The following CPA4 variants were observed in gnomAD, a reference collection of about 807,000 sequenced individuals.
CPA4 encodes carboxypeptidase A4.
Under a neutral mutation model 54.7 loss-of-function variants are expected in CPA4, and 49 were observed. The observed-to-expected ratio is 0.90, with a 90% CI of 0.71 to 1.14. CPA4 has a LOEUF of 1.14. Ranked by LOEUF, CPA4 falls within the 50% of genes most tolerant of loss-of-function variation. The pLI, the probability that CPA4 is intolerant of heterozygous loss-of-function variation, is 0.00. For synonymous variants in CPA4, 215 were observed against 206.8 expected (o/e 1.04, Z -0.34); for missense variants, 487 against 525.1 (o/e 0.93, Z 0.71).
intron 10 of CPA4, among the ~76,000 whole-genome samples, chr7:130,314,119 A>G (rs1236307219): frequency 6.6e-6 from 1 of 152,218 alleles, no homozygotes; most frequent in East Asian, 1.9e-4. Flanking sequence ...AGTTGCAAAA[A>G]TGCTCTGTTT....
chr7:130,311,071 G>A (rs1214857248), intron 9 of CPA4, 85 bp downstream of exon 9: 1 of 1,024,032 alleles, frequency 9.8e-7, no homozygotes. Flanking sequence ...AGCTTTATAG[G>A]GAGGGTCCAG....
At chr7:130,297,738 C>A (rs537591532) in intron 1 of CPA4, among the ~76,000 whole-genome samples, 1 of 152,202 alleles carries the variant, frequency 6.6e-6, no homozygotes, top group Non-Finnish European at 1.5e-5. Flanking sequence ...GAGCCCACAG[C>A]GGCTCTCTTT....
At chr7:130,311,941 G>GT in intron 9 of CPA4, 97 bp from the exon 10 acceptor site, 1 of 876,824 alleles carries the variant, frequency 1.1e-6, no homozygotes, top group Non-Finnish European at 1.9e-6. Flanking sequence ...AATCGGGGGG[G>GT]GCTGAGAATC....
At position 130,307,236 on chromosome 7, in the gene CPA4, C is replaced by G. The variant is rs10274321; in HGVS notation, c.702+339C>G. On this transcript the variant is annotated intron_variant, in intron 7 of 10. Coordinates refer to ENST00000222482, the MANE Select transcript of CPA4 (RefSeq NM_016352.4). ...TACTTTAGTACGCATCTCTAACTGACGATAGAAAAAAAAAAATTAAAAAAC... is the reference window on the plus strand; with the variant it reads ...TACTTTAGTACGCATCTCTAACTGAGGATAGAAAAAAAAAAATTAAAAAAC... Among the ~76,000 whole-genome samples, 204 of 135,768 alleles carry G rather than the reference C, an allele frequency of 1.5e-3. 2 individuals are homozygous for G. The highest frequency in any genetic ancestry group is 7.5e-3 in the Middle Eastern group (2 of 266). The allele number at this position is 135,768 out of a possible 152,430, so 89.1% of individuals were successfully genotyped here.
chr7:130,297,271 C>T (rs1223248978), intron 1 of CPA4, among the ~76,000 whole-genome samples: 6 of 152,152 alleles, frequency 3.9e-5, no homozygotes, highest in African/African-American at 7.2e-5. Flanking sequence ...TGTCTTACAT[C>T]GGTCCCTTTT....
At chr7:130,314,213 T>A (rs1459286614) in intron 10 of CPA4, among the ~76,000 whole-genome samples, 1 of 152,152 alleles carries the variant, frequency 6.6e-6, no homozygotes, top group African/African-American at 2.4e-5. Context: ...TTGCACTGGT[T>A]AGGTGTTAAG....
chr7:130,313,082 G>T, intron 10 of CPA4, among the ~76,000 whole-genome samples: 1 of 152,160 alleles, frequency 6.6e-6, no homozygotes, highest in Non-Finnish European at 1.5e-5. Flanking sequence ...AGTTATAAAA[G>T]GATGAAGGGC....
chr7:130,310,738 G>A lies in CPA4; in HGVS notation c.794-49G>A. 6.4e-7 allele frequency: 1 copy of A among 1,559,864 alleles called. No individual in the cohort carries two copies. Among genetic ancestry groups the A allele is most frequent in the Non-Finnish European group, 8.8e-7 (1 of 1,131,236 alleles). ...TCTAGGTGGAGCGTCTTGCATTTCT[G>A]TGTTCTTGGACTATGAGTTAATGTT... On this transcript the variant is annotated intron_variant, in intron 8 of 10. Transcript: ENST00000222482. The surrounding 1 kb of genome is among the most constrained non-coding windows in gnomAD (Gnocchi z 4.3).
At chr7:130,308,557 T>C (rs1793862698) in intron 8 of CPA4, among the ~76,000 whole-genome samples, 160 bp downstream of exon 8, 1 of 152,126 alleles carries the variant, frequency 6.6e-6, no homozygotes, top group Non-Finnish European at 1.5e-5. Flanking sequence ...CTTAGTGTTT[T>C]GTTTGTTGTT....
intron 10 of CPA4, among the ~76,000 whole-genome samples, chr7:130,312,883 C>T (rs562827004): frequency 4.3e-4 from 65 of 151,956 alleles, no homozygotes; most frequent in East Asian, 9.7e-4. Flanking sequence ...CTGATCAGAG[C>T]GGAGATTGTC....
chr7:130,313,546 A>G (rs1379280191), intron 10 of CPA4, among the ~76,000 whole-genome samples: 1 of 152,092 alleles, frequency 6.6e-6, no homozygotes, highest in Non-Finnish European at 1.5e-5. Context: ...GCTTCGGGCT[A>G]TATTTTTTAA....
chr7:130,308,850 C>CTTTTTTTTTTTTTTTTTTTTT lies in CPA4; in HGVS notation c.793+468_793+469insTTTTTTTTTTTTTTTTTTTTT, dbSNP rs1249548992. Reference sequence around the variant, plus strand: ...ATAGCCGTAAGCCACCTAGCCCAGCCTTTTTTTTTTTTTTTGAGACAGAGT... The same window carrying CTTTTTTTTTTTTTTTTTTTTT: ...ATAGCCGTAAGCCACCTAGCCCAGCCTTTTTTTTTTTTTTTTTTTTTTTTTTTTTTTTTTTTGAGACAGAGT... On this transcript the variant is annotated intron_variant, in intron 8 of 10. Transcript: ENST00000222482. Among the ~76,000 whole-genome samples, 56 of 120,258 alleles carry CTTTTTTTTTTTTTTTTTTTTT rather than the reference C, an allele frequency of 4.7e-4. 2 individuals carry two copies. The highest frequency in any genetic ancestry group is 1.7e-3 in the African/African-American group (48 of 28,068). 78.9% of individuals were successfully genotyped at this position (120,258 alleles called of 152,430 possible).
chr7:130,298,610 ACATTAAAACCAAAGACTAGAC>A, intron 1 of CPA4, 115 bp from the exon 2 acceptor site: 1 of 578,104 alleles, frequency 1.7e-6, no homozygotes, highest in East Asian at 2.8e-5. Context: ...TAATGGCCAT[ACATTAAAACCAAAGACTAGAC>A]CATTTCCTTT....
At chr7:130,309,353 G>A (rs887850067) in intron 8 of CPA4, among the ~76,000 whole-genome samples, 3 of 152,282 alleles carry the variant, frequency 2.0e-5, no homozygotes, top group Non-Finnish European at 4.4e-5. Context: ...TTGTGAGCAG[G>A]CGGAAGGACT....
intron 3 of CPA4, chr7:130,299,618 G>A (rs2117134694): frequency 1.9e-6 from 1 of 529,446 alleles, no homozygotes; most frequent in Admixed American, 3.1e-5. Context: ...ACACAGATTT[G>A]GATCCAAATC....
chr7:130,299,416 A>G lies in CPA4; in HGVS notation c.285+12A>G, dbSNP rs745403006. ...TTGAGGACCTGCAGGTAGGTAGACT[A>G]TGCCTCCTGCCTCCTGCTCTTGCAT... On this transcript the variant is annotated intron_variant, in intron 3 of 10. Transcript: ENST00000222482. 1.2e-6 allele frequency: 2 copies of G among 1,612,872 alleles called. No individual in the cohort carries two copies. The highest frequency in any genetic ancestry group is 2.2e-5 in the East Asian group (1 of 44,888).
In CPA4 at chr7:130,298,756, T is replaced by G; in HGVS notation, c.79T>G (p.Leu27Val). 6.2e-7 allele frequency: 1 copy of G among 1,608,580 alleles called. No individual in the cohort carries two copies. The highest frequency in any genetic ancestry group is 1.3e-5 in the African/African-American group (1 of 74,936). ...GQEKFFGDQV[L>V]RINVRNGDEI... is the part of the protein sequence containing the mutation. ...TCGCTTCTTCCCCAGGGACCAAGTT[T>G]TGAGGATTAATGTCAGAAATGGAGA... is the stretch of plus-strand genomic sequence containing the variant. The change falls in exon 2 of 11, where the codon TTG (leucine) becomes GTG (valine). Residue 27 changes from leucine (L) to valine (V), a missense_variant. Coordinates refer to ENST00000222482, the MANE Select transcript of CPA4 (RefSeq NM_016352.4).
In CPA4 at chr7:130,310,720, G is replaced by A; in HGVS notation, c.794-67G>A. On this transcript the variant is annotated intron_variant, in intron 8 of 10. Coordinates refer to ENST00000222482, the MANE Select transcript of CPA4 (RefSeq NM_016352.4). This position sits in a 1 kb window ranked among gnomAD's most constrained non-coding sequence, Gnocchi z 4.3. ...CAATACCTTCGGCCCCTCTCTAGGT[G>A]GAGCGTCTTGCATTTCTGTGTTCTT... 5 of 1,471,672 alleles carry A rather than the reference G, an allele frequency of 3.4e-6. No homozygotes were observed. The highest frequency in any genetic ancestry group is 4.7e-6 in the Non-Finnish European group (5 of 1,053,054). 91.2% of individuals were successfully genotyped at this position (1,471,672 alleles called of 1,614,324 possible). A position where few individuals can be genotyped will look rare whatever the true frequency, so the allele number is the denominator to read the frequency against.
intron 1 of CPA4, among the ~76,000 whole-genome samples, chr7:130,297,301 G>A (rs747982195): frequency 7.9e-5 from 12 of 152,248 alleles, no homozygotes; most frequent in Admixed American, 2.6e-4. Flanking sequence ...TGCTTGCCGA[G>A]GTCAGGGAAC....
Sources: allele counts gnomAD v4.1 joint callset (sites outside exome capture counted in the v4.1 genomes callset), GRCh38; gene constraint gnomAD v4.1.1; non-coding constraint Gnocchi (gnomAD v3.1); transcripts MANE v1.5; gene names NCBI Gene and HGNC (gene_info 2026-07-23, HGNC 2026-07-21).